The following ABCA6 variants were observed in gnomAD, a reference collection of about 807,000 sequenced individuals.
ABCA6 encodes the protein ATP-binding cassette sub-family A member 6.
ABCA6 carries 164 observed loss-of-function variants against 191.2 expected under a neutral mutation model. The ratio of observed to expected loss-of-function variants is 0.86; its 90% CI spans 0.76 to 0.98. ABCA6 has a LOEUF of 0.98. ABCA6 is among the 50% of genes least tolerant of loss of function. ABCA6 has a pLI of 0.00. For synonymous variants in ABCA6, 636 were observed against 647.7 expected, an observed-to-expected ratio of 0.98 and a Z score of 0.27; for missense variants, 1,958 against 1,894.1, an observed-to-expected ratio of 1.03 and a Z score of -0.63.
At chr17:69,089,607 AAAT>A in intron 26 of ABCA6, 65 bp from the exon 27 acceptor site, 3 of 1,280,242 alleles carry the variant, frequency 2.3e-6, no homozygotes, top group Admixed American at 2.0e-5. Flanking sequence ...ATTTGCACTT[AAAT>A]AATATAAAAT....
At position 69,136,154 on chromosome 17, in the gene ABCA6, A is replaced by T. The variant is rs1171489092; in HGVS notation, c.398T>A (p.Phe133Tyr). 1 of 1,607,640 alleles carries T rather than the reference A, an allele frequency of 6.2e-7. No individual in the cohort carries two copies. The highest frequency in any genetic ancestry group is 2.2e-5 in the East Asian group (1 of 44,730). The stretch of plus-strand genomic sequence containing the variant: ...CTGGAAAAATATTAACTTATAAGAG[A>T]AAGTTTCATTAAAGATGATTCCCAT... Reference protein sequence around the residue: ...YAMGIIFNETFSYKLIFFQGY... With the variant: ...YAMGIIFNETYSYKLIFFQGY... Residue 133 changes from phenylalanine (F) to tyrosine (Y), a missense_variant, in exon 4 of 39, where the codon TTC becomes TAC. Transcript: ENST00000284425.
rs141916415 is a variant in ABCA6, at chr17:69,106,026, A to G, written c.2573+2T>C. ...ACAAAACCACAGTACTCTCCTACTC[A>G]CAGGGTCAATAACACTTTAGTTTGA... is the stretch of plus-strand genomic sequence containing the variant. On this transcript the variant is annotated splice_donor_variant, in intron 19 of 38. Coordinates refer to ENST00000284425, the MANE Select transcript of ABCA6 (RefSeq NM_080284.3). LOFTEE classifies it high-confidence loss of function. The G allele has an allele frequency of 1.6e-5, 26 of 1,605,544 alleles. No homozygotes were observed. The highest frequency in any genetic ancestry group is 2.2e-5 in the Non-Finnish European group (26 of 1,176,306).
At position 69,133,743 on chromosome 17, in the gene ABCA6, T is replaced by C. The variant is rs1439015498; in HGVS notation, c.689A>G (p.His230Arg). ...NEMFILFFLL[H>R]FSPLVYFISL... ...TATAAAATATACAAGTGGGGAGAAA[T>C]GAAGCAAGAAGAATAAAATAAACAT... Residue 230 changes from histidine to arginine, a missense_variant, in exon 6 of 39, where the codon CAT becomes CGT. Physicochemically the swap from His to Arg is conservative, Grantham distance 29. Coordinates refer to ENST00000284425, the MANE Select transcript of ABCA6 (RefSeq NM_080284.3). 9 of 1,611,746 alleles carry C rather than the reference T, an allele frequency of 5.6e-6. 1 individual carries two copies. Among genetic ancestry groups the C allele is most frequent in the Non-Finnish European group, 5.9e-6 (7 of 1,178,282 alleles).
At position 69,128,694 on chromosome 17, in the gene ABCA6, A is replaced by T; in HGVS notation, c.1044T>A (p.Tyr348Ter). The change falls in exon 8 of 39, where the codon TAT becomes TAA. Residue 348 changes from tyrosine (Y) to a stop codon, truncating the protein, a stop_gained. Transcript: ENST00000284425. LOFTEE classifies it high-confidence loss of function. The part of the protein sequence containing the change: ...FWGCLGFTVF[Y>*]EQLPSSLEWI... ...ACTCCAGAGATGAAGGAAGTTGTTC[A>T]TAAAATACAGTGAATCCCAGACATC... 1 of 1,613,548 alleles carries T rather than the reference A, an allele frequency of 6.2e-7. No individual in the cohort carries two copies. The highest frequency in any genetic ancestry group is 8.5e-7 in the Non-Finnish European group (1 of 1,179,634).
In ABCA6 at chr17:69,112,229, A is replaced by T. The variant is rs1372858104; in HGVS notation, c.2086T>A (p.Ser696Thr). The T allele has an allele frequency of 4.3e-6, 7 of 1,612,776 alleles. No homozygotes were observed. The South Asian group carries it at 6.6e-5, about 15-fold the overall frequency. The change falls in exon 16 of 39, where the codon TCT (serine) becomes ACT (threonine). Residue 696 changes from serine (S) to threonine (T), a missense_variant. Physicochemically the swap from Ser to Thr is moderately conservative, Grantham distance 58. Coordinates refer to ENST00000284425, the MANE Select transcript of ABCA6 (RefSeq NM_080284.3). ...MSNGRLKCAGSSMFLKRRWGL... is the reference protein window; with the variant it reads ...MSNGRLKCAGTSMFLKRRWGL... Reference sequence around the variant, plus strand: ...CACCTTCTTTTCAAAAACATAGAAGAACCTGCACACTTCAGTCTCCCATTG... The same window carrying T: ...CACCTTCTTTTCAAAAACATAGAAGTACCTGCACACTTCAGTCTCCCATTG...
rs907237186 is a variant in ABCA6 at position 69,078,807 on chromosome 17, A to T, written c.*166T>A. Reference sequence around the variant, plus strand: ...TTATCACAGGTTTGCTATCACCCCTATGTTTGAGAGGAAGAATAATTTTAA... The same window carrying T: ...TTATCACAGGTTTGCTATCACCCCTTTGTTTGAGAGGAAGAATAATTTTAA... On this transcript the variant is annotated 3_prime_UTR_variant, in exon 39 of 39. Transcript: ENST00000284425. 2.1e-6 allele frequency: 1 copy of T among 474,700 alleles called. No homozygotes were observed. The highest frequency in any genetic ancestry group is 3.6e-6 in the Non-Finnish European group (1 of 275,920). The allele number at this position is 474,700 out of a possible 1,614,324, so 29.4% of individuals were successfully genotyped here.
At chr17:69,127,421 T>C (rs1167265447) in intron 8 of ABCA6, among the ~76,000 whole-genome samples, 1 of 151,912 alleles carries the variant, frequency 6.6e-6, no homozygotes, top group African/African-American at 2.4e-5. Context: ...CATAAAGCAA[T>C]TGGGAGAAGA....
chr17:69,130,125 G>A (rs1261885899), intron 6 of ABCA6, among the ~76,000 whole-genome samples: 2 of 151,952 alleles, frequency 1.3e-5, no homozygotes, highest in Admixed American at 1.3e-4. Context: ...AGACCAGCCC[G>A]ACCAACATGG....
In ABCA6 at chr17:69,096,732, C is replaced by T. The variant is rs1430459569; in HGVS notation, c.3190G>A (p.Val1064Met). 3.1e-6 allele frequency: 5 copies of T among 1,591,152 alleles called. No individual in the cohort carries two copies. Among genetic ancestry groups the T allele is most frequent in the East Asian group, 2.3e-5 (1 of 43,974 alleles). The part of the protein sequence containing the change: ...TSAYWCGQAL[V>M]DVSFFILILL... ...ATTAAAATGAAGAAGCTGACGTCCACTAGTGCCTGCCCACACCAGTAAGCA... is the reference window on the plus strand; with the variant it reads ...ATTAAAATGAAGAAGCTGACGTCCATTAGTGCCTGCCCACACCAGTAAGCA... Residue 1064 changes from valine (V) to methionine (M), a missense_variant, in exon 24 of 39, where the codon GTG (valine) becomes ATG (methionine). Transcript: ENST00000284425.
In ABCA6 at chr17:69,078,930, T is replaced by G; in HGVS notation, c.*43A>C. Reference sequence around the variant, plus strand: ...ATACTATTAATTATTACATAAAACATGAGTTTATAGGAGATCAACAAAAAA... The same window carrying G: ...ATACTATTAATTATTACATAAAACAGGAGTTTATAGGAGATCAACAAAAAA... On this transcript the variant is annotated 3_prime_UTR_variant, in exon 39 of 39. Transcript: ENST00000284425. The G allele has an allele frequency of 1.5e-5, 17 of 1,154,446 alleles. No homozygotes were observed. Among genetic ancestry groups the G allele is most frequent in the Non-Finnish European group, 1.7e-5 (14 of 808,790 alleles). 71.5% of individuals were successfully genotyped at this position (1,154,446 alleles called of 1,614,324 possible).
Position 69,091,164 on chromosome 17 carries a change from TC to T in ABCA6, c.3506del (p.Gly1169AspfsTer8). ...MVLVPSYTLLGFKTFLEVRDQ... is the reference protein window; with the variant it reads ...MVLVPSYTLLXFKTFLEVRDQ... ...TTACCACTTCCAAAAAAGTTTTAAA[TC>T]CAAGCAAGGTATATGAAGGAACCAA... On this transcript the variant is annotated frameshift_variant, in exon 26 of 39. Coordinates refer to ENST00000284425, the MANE Select transcript of ABCA6 (RefSeq NM_080284.3). LOFTEE classifies it high-confidence loss of function. The T allele has an allele frequency of 6.2e-7, 1 of 1,609,946 alleles. No homozygotes were observed. Among genetic ancestry groups the T allele is most frequent in the Non-Finnish European group, 8.5e-7 (1 of 1,178,846 alleles).
chr17:69,089,742 C>T (rs909303914), intron 26 of ABCA6, among the ~76,000 whole-genome samples, 200 bp from the exon 27 acceptor site: 1 of 152,120 alleles, frequency 6.6e-6, no homozygotes, highest in Non-Finnish European at 1.5e-5. Flanking sequence ...AAGCAAGTAA[C>T]CTATGTCTGT....
At chr17:69,087,813 T>C (rs1197901203) in intron 28 of ABCA6, among the ~76,000 whole-genome samples, 1 of 152,230 alleles carries the variant, frequency 6.6e-6, no homozygotes, top group Non-Finnish European at 1.5e-5. Flanking sequence ...CAACATCATT[T>C]ACTGCTCACC....
At chr17:69,136,047 G>A in intron 4 of ABCA6, 45 bp downstream of exon 4, 1 of 1,567,884 alleles carries the variant, frequency 6.4e-7, no homozygotes, top group Non-Finnish European at 8.7e-7. Context: ...TCTTTATGTT[G>A]AAAACATGAA....
rs77542162 is a variant in ABCA6 at position 69,085,137 on chromosome 17, A to G, written c.4075T>C (p.Cys1359Arg). Residue 1359 changes from cysteine (C) to arginine (R), a missense_variant, in exon 32 of 39, where the codon TGC becomes CGC. Coordinates refer to ENST00000284425, the MANE Select transcript of ABCA6 (RefSeq NM_080284.3). Reference sequence around the variant, plus strand: ...GGCCACAGCACGTTCTCTTGAGGGCAGTACCCCAGGTGGCCCAAAACTGAA... The same window carrying G: ...GGCCACAGCACGTTCTCTTGAGGGCGGTACCCCAGGTGGCCCAAAACTGAA... Reference protein sequence around the residue: ...CSSVLGHLGYCPQENVLWPML... With the variant: ...CSSVLGHLGYRPQENVLWPML... 0.016 allele frequency: 26,218 copies of G among 1,612,520 alleles called. 272 individuals are homozygous for G. The highest frequency in any genetic ancestry group is 0.021 in the Non-Finnish European group (24,384 of 1,179,324).
intron 17 of ABCA6, chr17:69,109,147 T>C (rs1215824074): frequency 6.6e-6 from 1 of 152,112 alleles, no homozygotes; most frequent in African/African-American, 2.4e-5. Context: ...AACCGAATTA[T>C]GCAAAAGAGC....
At chr17:69,105,174 C>G in intron 20 of ABCA6, 1 of 325,638 alleles carries the variant, frequency 3.1e-6, no homozygotes, top group Admixed American at 5.0e-5. Context: ...ACGGGTGTGC[C>G]AATATAGAAG....
chr17:69,134,790 T>C lies in ABCA6; in HGVS notation c.461-48A>G, dbSNP rs192507706. 4.2e-4 allele frequency: 547 copies of C among 1,288,192 alleles called. 2 individuals are homozygous for C. The African/African-American group carries it at 6.8e-3, about 16-fold the overall frequency. 79.8% of individuals were successfully genotyped at this position (1,288,192 alleles called of 1,614,324 possible). ...AGCCAACATTATGGGACGAGGGCAG[T>C]TGGAGAATATGAAACAAGTATTGAA... On this transcript the variant is annotated intron_variant, in intron 4 of 38. Coordinates refer to ENST00000284425, the MANE Select transcript of ABCA6 (RefSeq NM_080284.3).
chr17:69,119,111 G>A (rs576616262), intron 10 of ABCA6, among the ~76,000 whole-genome samples: 1 of 152,120 alleles, frequency 6.6e-6, no homozygotes, highest in Middle Eastern at 3.4e-3. Context: ...ATTGATCTGG[G>A]GTGATGAGTT....
Sources: gnomAD v4.1 joint callset for allele counts (sites outside exome capture counted in the v4.1 genomes callset) on GRCh38, gnomAD v4.1.1 for gene constraint, MANE v1.5 for transcripts, NCBI Gene and HGNC (gene_info 2026-07-23, HGNC 2026-07-21) for gene names.